Variants in RBFOX1 observed in about 807,000 individuals in gnomAD.
RBFOX1 encodes the protein RNA binding fox-1 homolog 1.
RBFOX1 carries 8 observed loss-of-function variants against 57.7 expected under a neutral mutation model. The ratio of observed to expected loss-of-function variants is 0.14; its 90% CI spans 0.08 to 0.25. The LOEUF (loss-of-function observed/expected upper bound fraction) is 0.25, where lower values mean the gene tolerates loss of function less well. Ranked by LOEUF, RBFOX1 falls within the 10% of genes least tolerant of loss-of-function variation. The pLI, the probability that RBFOX1 is intolerant of heterozygous loss-of-function variation, is 1.00. For synonymous variants in RBFOX1, 326 were observed against 222.4 expected (o/e 1.47, Z -4.15); for missense variants, 611 against 548.5 (o/e 1.11, Z -1.14).
intron 3 of RBFOX1, among the ~76,000 whole-genome samples, chr16:5,744,427 CT>C (rs1372102590): frequency 6.6e-6 from 1 of 152,162 alleles, no homozygotes; most frequent in East Asian, 1.9e-4. Context: ...CAGAATCCTT[CT>C]TTTCCGCTTC....
chr16:5,946,543 C>G lies in RBFOX1; in HGVS notation c.351+79208C>G, dbSNP rs1023003650. On this transcript the variant is annotated intron_variant, in intron 4 of 19. Coordinates refer to the RBFOX1 transcript ENST00000641259. The surrounding 1 kb of genome is among the most constrained non-coding windows in gnomAD (Gnocchi z 4.6). ...GTTCTACGCCCTTCCCCGTATCTCA[C>G]TCTATGCATATTTTTTTCCAACTGG... Among the ~76,000 whole-genome samples the G allele has an allele frequency of 1.4e-5, 2 of 139,798 alleles. No homozygotes were observed. The highest frequency in any genetic ancestry group is 3.2e-5 in the Non-Finnish European group (2 of 61,540). 91.7% of individuals were successfully genotyped at this position (139,798 alleles called of 152,430 possible). A position where few individuals can be genotyped will look rare whatever the true frequency, so the allele number is the denominator to read the frequency against.
intron 1 of RBFOX1, among the ~76,000 whole-genome samples, chr16:5,378,540 C>G (rs1489803271): frequency 6.6e-6 from 1 of 151,464 alleles, no homozygotes; most frequent in Non-Finnish European, 1.5e-5. Context: ...TCAGCAGAAC[C>G]TCCACTAGGG....
At chr16:5,356,023 G>C (rs561786920) in intron 1 of RBFOX1, among the ~76,000 whole-genome samples, 1 of 152,134 alleles carries the variant, frequency 6.6e-6, no homozygotes, top group African/African-American at 2.4e-5. Flanking sequence ...CCCGGGAGGC[G>C]GAGGTTGCAG....
At position 7,317,288 on chromosome 16, in the gene RBFOX1, C is replaced by G. The variant is rs146988422; in HGVS notation, c.28-200859C>G. On this transcript the variant is annotated intron_variant, in intron 4 of 15. Coordinates refer to ENST00000550418, the MANE Select transcript of RBFOX1 (RefSeq NM_018723.4). ...AGAAATGCAACTCCCTGAAGTCAGA[C>G]TTCGGCAGGCTTTGGTGAAGTCAGG... 5.6e-4 allele frequency among the ~76,000 whole-genome samples: 86 copies of G among 152,242 alleles called. 1 individual carries two copies. The East Asian group carries it at 0.013, about 23-fold the overall frequency.
intron 3 of RBFOX1, among the ~76,000 whole-genome samples, chr16:6,942,757 C>G (rs997835173): frequency 1.3e-5 from 2 of 152,122 alleles, no homozygotes; most frequent in Non-Finnish European, 2.9e-5. Context: ...GACTCACAAG[C>G]AGGTAAAAAA....
intron 4 of RBFOX1, among the ~76,000 whole-genome samples, chr16:5,950,840 G>T (rs149837974): frequency 1.3e-5 from 2 of 152,132 alleles, no homozygotes; most frequent in African/African-American, 4.8e-5. Context: ...TATCTGTTCT[G>T]CAGTGGTCCA....
intron 3 of RBFOX1, among the ~76,000 whole-genome samples, chr16:5,817,520 C>T (rs2055686211): frequency 6.6e-6 from 1 of 151,984 alleles, no homozygotes; most frequent in South Asian, 2.1e-4. Flanking sequence ...TCTCATAGCT[C>T]AGGGAACAGG....
At chr16:6,248,433 G>T (rs1293246012) in intron 1 of RBFOX1, among the ~76,000 whole-genome samples, 1 of 152,076 alleles carries the variant, frequency 6.6e-6, no homozygotes, top group Non-Finnish European at 1.5e-5. Context: ...TTTAGCCATG[G>T]GACATGGGTA....
At chr16:6,924,725 C>A (rs534894685) in intron 3 of RBFOX1, among the ~76,000 whole-genome samples, 4 of 151,486 alleles carry the variant, frequency 2.6e-5, no homozygotes, top group African/African-American at 9.7e-5. Flanking sequence ...TACATGTGCA[C>A]AACGTGCAGG....
At chr16:6,092,087 G>T (rs1288166539) in intron 1 of RBFOX1, among the ~76,000 whole-genome samples, 1 of 152,144 alleles carries the variant, frequency 6.6e-6, no homozygotes, top group African/African-American at 2.4e-5. Context: ...TCCTTCTGGA[G>T]TTCCACATTC....
At chr16:6,062,631 A>ATATACATATAATATATAACG (rs2095703392) in intron 1 of RBFOX1, among the ~76,000 whole-genome samples, 1 of 148,576 alleles carries the variant, frequency 6.7e-6, no homozygotes, top group Non-Finnish European at 1.5e-5. Context: ...TATATATAAC[A>ATATACATATAATATATAACG]TATACATATA....
At chr16:6,114,101 C>G (rs2096474071) in intron 1 of RBFOX1, among the ~76,000 whole-genome samples, 1 of 152,072 alleles carries the variant, frequency 6.6e-6, no homozygotes, top group Non-Finnish European at 1.5e-5. Flanking sequence ...TTTTTTTTCT[C>G]CCTTCATCTT....
chr16:7,421,681 G>C (rs1379063634), intron 4 of RBFOX1, among the ~76,000 whole-genome samples: 1 of 152,230 alleles, frequency 6.6e-6, no homozygotes, highest in African/African-American at 2.4e-5. Context: ...ATTTCCACTG[G>C]CCTGGAGATG....
intron 1 of RBFOX1, among the ~76,000 whole-genome samples, chr16:5,276,231 A>G (rs2063137454): frequency 1.3e-5 from 2 of 152,234 alleles, no homozygotes; most frequent in South Asian, 4.1e-4. Context: ...GGAAATAAAC[A>G]GCAGAGTAAA....
intron 1 of RBFOX1, among the ~76,000 whole-genome samples, chr16:6,147,384 C>G (rs1459863088): frequency 6.6e-6 from 1 of 152,184 alleles, no homozygotes; most frequent in African/African-American, 2.4e-5. Flanking sequence ...CAGATCCAGT[C>G]CCAAGCACCC....
chr16:5,774,096 A>G (rs953612531), intron 3 of RBFOX1, among the ~76,000 whole-genome samples: 1 of 152,164 alleles, frequency 6.6e-6, no homozygotes, highest in African/African-American at 2.4e-5. Flanking sequence ...ATGTAGTTTC[A>G]TGGTTTACAA....
At chr16:6,579,284 G>C (rs1214847229) in intron 2 of RBFOX1, among the ~76,000 whole-genome samples, 1 of 151,780 alleles carries the variant, frequency 6.6e-6, no homozygotes, top group African/African-American at 2.4e-5. Context: ...GCTCTCTGTA[G>C]GCTTGATCTA....
intron 4 of RBFOX1, among the ~76,000 whole-genome samples, chr16:5,898,630 C>T (rs566472243): frequency 6.6e-6 from 1 of 151,860 alleles, no homozygotes; most frequent in South Asian, 2.1e-4. Context: ...GAATCAAGGC[C>T]CAGAGAGGTT....
intron 2 of RBFOX1, among the ~76,000 whole-genome samples, chr16:6,348,371 A>G (rs938633486): frequency 5.3e-5 from 8 of 152,212 alleles, no homozygotes; most frequent in Non-Finnish European, 2.9e-5. Flanking sequence ...TTCAGTAGAA[A>G]GCACTTATAC....
Sources: allele counts gnomAD v4.1 joint callset (sites outside exome capture counted in the v4.1 genomes callset), GRCh38; gene constraint gnomAD v4.1.1; non-coding constraint Gnocchi (gnomAD v3.1); transcripts MANE v1.5; gene names NCBI Gene and HGNC (gene_info 2026-07-23, HGNC 2026-07-21).